KCNN1: variants seen among roughly 807,000 people sequenced by gnomAD.
KCNN1 encodes potassium calcium-activated channel subfamily N member 1, also known as small conductance calcium-activated potassium channel protein 1.
Under a neutral mutation model 44.7 loss-of-function variants are expected in KCNN1, and 20 were observed. That is an observed-to-expected ratio of 0.45 (90% CI 0.32 to 0.65). KCNN1 has a LOEUF of 0.65. KCNN1 is among the 30% of genes least tolerant of loss of function. KCNN1 has a pLI of 0.05. For synonymous variants in KCNN1, 324 were observed against 341.7 expected (o/e 0.95, Z 0.57); for missense variants, 632 against 785.3 (o/e 0.80, Z 2.33).
intron 5 of KCNN1, among the ~76,000 whole-genome samples, chr19:17,987,955 C>T (rs1441082394): frequency 2.0e-5 from 3 of 150,572 alleles, no homozygotes; most frequent in Non-Finnish European, 2.9e-5. Context: ...GCCTGACCAA[C>T]ATGGTGAAAC....
chr19:17,990,670 G>A (rs1381363498), intron 7 of KCNN1, among the ~76,000 whole-genome samples: 1 of 150,420 alleles, frequency 6.6e-6, no homozygotes, highest in Non-Finnish European at 1.5e-5. Context: ...CGTGGTGGCG[G>A]ACGCCTGTAG....
Position 17,974,690 on chromosome 19 carries a change from G to A in KCNN1, c.402+400G>A, listed in dbSNP as rs1411532959. ...ATGCCACCTAGAATGTGTGAGGATG[G>A]AGAGAGATCAGGGCTGTGTCAGCCT... On this transcript the variant is annotated intron_variant, in intron 2 of 9. Transcript: ENST00000684775. This position sits in a 1 kb window ranked among gnomAD's most constrained non-coding sequence, Gnocchi z 7.3. 2.6e-5 allele frequency among the ~76,000 whole-genome samples: 4 copies of A among 152,214 alleles called. No homozygotes were observed. Among genetic ancestry groups the A allele is most frequent in the Admixed American group, 6.5e-5 (1 of 15,284 alleles).
intron 1 of KCNN1, among the ~76,000 whole-genome samples, chr19:17,967,710 A>G (rs114194887): frequency 0.022 from 3,337 of 152,044 alleles, 101 homozygotes; most frequent in African/African-American, 0.075. Flanking sequence ...TGGGGCACTC[A>G]GGGAGGGGTC....
chr19:17,978,094 A>G (rs1309886516), intron 3 of KCNN1, among the ~76,000 whole-genome samples: 2 of 149,936 alleles, frequency 1.3e-5, no homozygotes, highest in African/African-American at 2.5e-5. Flanking sequence ...TGGGAGAATT[A>G]TACGGTTTGT....
At chr19:17,975,707 C>T (rs775688676) in intron 3 of KCNN1, among the ~76,000 whole-genome samples, 12 of 151,622 alleles carry the variant, frequency 7.9e-5, no homozygotes, top group Admixed American at 2.0e-4. Context: ...AGGTGTCAGC[C>T]ACTGCTCCTG....
At chr19:17,951,440 C>T (rs1007587867) in intron 1 of KCNN1, 1 of 152,380 alleles carries the variant, frequency 6.6e-6, no homozygotes, top group African/African-American at 2.4e-5. Context: ...TGAAGGGAAA[C>T]TGAGGCTCAG....
rs867686179 is a variant in KCNN1, at chr19:17,983,628, C to G, written c.917+1501C>G. Reference sequence around the variant, plus strand: ...GCACGGGGCAGGGCCGGCAGGCAGCCAATCCTAAATTCTGAGCCTGGCGAC... The same window carrying G: ...GCACGGGGCAGGGCCGGCAGGCAGCGAATCCTAAATTCTGAGCCTGGCGAC... On this transcript the variant is annotated intron_variant, in intron 4 of 9. Coordinates refer to ENST00000684775, the MANE Select transcript of KCNN1 (RefSeq NM_001386974.1). This position sits in a 1 kb window ranked among gnomAD's most constrained non-coding sequence, Gnocchi z 4.5. Among the ~76,000 whole-genome samples, 7 of 152,098 alleles carry G rather than the reference C, an allele frequency of 4.6e-5. No homozygotes were observed. Among genetic ancestry groups the G allele is most frequent in the African/African-American group, 1.7e-4 (7 of 41,438 alleles).
At chr19:17,988,664 G>T in intron 6 of KCNN1, 139 bp downstream of exon 6, 2 of 692,644 alleles carry the variant, frequency 2.9e-6, no homozygotes, top group Non-Finnish European at 5.0e-6. Flanking sequence ...GACTGTGCTG[G>T]CTTTGGGAGG....
At chr19:17,976,876 T>C (rs970499673) in intron 3 of KCNN1, among the ~76,000 whole-genome samples, 3 of 151,860 alleles carry the variant, frequency 2.0e-5, no homozygotes, top group Admixed American at 6.6e-5. Flanking sequence ...CCACCACGCC[T>C]GGCTAATTTT....
intron 5 of KCNN1, 46 bp from the exon 6 acceptor site, chr19:17,988,369 G>A: frequency 6.7e-7 from 1 of 1,502,012 alleles, no homozygotes; most frequent in Non-Finnish European, 9.1e-7. Context: ...AGGAGGGAGT[G>A]ACCTCAAGAC....
At chr19:17,954,231 T>A (rs1177978982) in intron 1 of KCNN1, among the ~76,000 whole-genome samples, 1 of 151,964 alleles carries the variant, frequency 6.6e-6, no homozygotes, top group Non-Finnish European at 1.5e-5. Context: ...CTGAAGCAGG[T>A]GAATCACCTC....
chr19:17,958,570 C>A (rs974374340), intron 2 of KCNN1, among the ~76,000 whole-genome samples: 3 of 151,404 alleles, frequency 2.0e-5, no homozygotes, highest in Non-Finnish European at 4.4e-5. Flanking sequence ...ACTGCAACCT[C>A]CACCTCCCAG....
intron 9 of KCNN1, among the ~76,000 whole-genome samples, chr19:17,994,638 G>T (rs769001044): frequency 6.6e-6 from 1 of 152,006 alleles, no homozygotes; most frequent in Admixed American, 6.6e-5. Context: ...CCGCCTCCCG[G>T]GTTCAAGCAA....
At chr19:17,952,572 A>T (rs1076356) in intron 1 of KCNN1, among the ~76,000 whole-genome samples, 85,467 of 151,876 alleles carry the variant, frequency 0.56, 24,507 homozygotes, top group African/African-American at 0.65. Context: ...GGTCTGGGGA[A>T]GCGCAGACAT....
At position 17,998,339 on chromosome 19, in the gene KCNN1, C is replaced by A; in HGVS notation, c.1565C>A (p.Pro522His). Residue 522 changes from proline (P) to histidine (H), a missense_variant, in exon 10 of 10, where the codon CCC becomes CAC. This residue lies in a region of KCNN1 where 237 missense variants were observed against 253.0 expected (regional missense o/e 0.94). Coordinates refer to ENST00000684775, the MANE Select transcript of KCNN1 (RefSeq NM_001386974.1). This position sits in a 1 kb window ranked among gnomAD's most constrained non-coding sequence, Gnocchi z 5.4. ...PPLPPRPGPG[P>H]QDQAARSSPC... is the part of the protein sequence containing the mutation. ...CTGCCTCCCAGGCCCGGCCCCGGCC[C>A]CCAAGACCAGGCAGCCCGGAGCTCC... 1 of 1,531,044 alleles carries A rather than the reference C, an allele frequency of 6.5e-7. No homozygotes were observed. Among genetic ancestry groups the A allele is most frequent in the Non-Finnish European group, 8.7e-7 (1 of 1,144,264 alleles). The allele number at this position is 1,531,044 out of a possible 1,614,324, so 94.8% of individuals were successfully genotyped here. A position where few individuals can be genotyped will look rare whatever the true frequency, so the allele number is the denominator to read the frequency against.
chr19:17,963,248 C>T (rs1366391123), upstream of KCNN1, among the ~76,000 whole-genome samples: 3 of 151,252 alleles, frequency 2.0e-5, no homozygotes, highest in African/African-American at 4.9e-5. Flanking sequence ...CTCCTGACCT[C>T]GTGATCCGCC....
At chr19:17,984,665 C>T (rs1298142842) in intron 4 of KCNN1, among the ~76,000 whole-genome samples, 5 of 152,150 alleles carry the variant, frequency 3.3e-5, no homozygotes, top group Admixed American at 2.0e-4. Context: ...CCCCTCTGGC[C>T]GAAGTCCCAA....
chr19:17,973,559 G>A (rs2032096577), intron 1 of KCNN1, among the ~76,000 whole-genome samples: 1 of 152,194 alleles, frequency 6.6e-6, no homozygotes, highest in South Asian at 2.1e-4. Context: ...GCAATTACCA[G>A]AGCTGCACCA....
rs773842095 is a variant in KCNN1 at position 17,974,122 on chromosome 19, C to G, written c.234C>G (p.Gly78=). Reference sequence around the variant, plus strand: ...AGGATGATGAGGAAGATGAGGCCGGCAGGCAGAGAGCCTCGGGGAAACCCT... The same window carrying G: ...AGGATGATGAGGAAGATGAGGCCGGGAGGCAGAGAGCCTCGGGGAAACCCT... The part of the protein sequence containing the change: ...DDEDDEEDEA[G]RQRASGKPSN... The change falls in exon 2 of 10, where the codon GGC becomes GGG. Residue 78 remains glycine, a synonymous_variant. Coordinates refer to ENST00000684775, the MANE Select transcript of KCNN1 (RefSeq NM_001386974.1). This position sits in a 1 kb window ranked among gnomAD's most constrained non-coding sequence, Gnocchi z 7.3. 6.2e-7 allele frequency: 1 copy of G among 1,612,804 alleles called. No homozygotes were observed. The highest frequency in any genetic ancestry group is 1.1e-5 in the South Asian group (1 of 91,090).
Sources: allele counts gnomAD v4.1 joint callset (sites outside exome capture counted in the v4.1 genomes callset), GRCh38; gene constraint gnomAD v4.1.1; regional missense constraint gnomAD v4.1.1; non-coding constraint Gnocchi (gnomAD v3.1); transcripts MANE v1.5; gene names NCBI Gene and HGNC (gene_info 2026-07-23, HGNC 2026-07-21).